ELOC: variants seen among roughly 807,000 people sequenced by gnomAD.
ELOC encodes elongin-C.
For synonymous variants in ELOC, 40 were observed against 51.3 expected (o/e 0.78, Z 0.94); for missense variants, 38 against 139.0 (o/e 0.27, Z 3.65).
Position 73,946,545 on chromosome 8 carries a change from A to G in ELOC, c.*85T>C. ...TATATAGTTCAACTGCATACAGGCAACATGCTATATATGAAAAAGTTACTA... is the reference window on the plus strand; with the variant it reads ...TATATAGTTCAACTGCATACAGGCAGCATGCTATATATGAAAAAGTTACTA... On this transcript the variant is annotated 3_prime_UTR_variant, in exon 4 of 4. Coordinates refer to ENST00000520242, the MANE Select transcript of ELOC (RefSeq NM_005648.4). The G allele has an allele frequency of 9.4e-7, 1 of 1,068,308 alleles. No homozygotes were observed. The highest frequency in any genetic ancestry group is 1.3e-6 in the Non-Finnish European group (1 of 758,112). 66.2% of individuals were successfully genotyped at this position (1,068,308 alleles called of 1,614,324 possible). A position where few individuals can be genotyped will look rare whatever the true frequency, so the allele number is the denominator to read the frequency against.
intron 2 of ELOC, among the ~76,000 whole-genome samples, chr8:73,956,770 G>A (rs1236357262): frequency 2.0e-5 from 3 of 152,140 alleles, no homozygotes; most frequent in East Asian, 3.9e-4. Context: ...ATGAGAGCTC[G>A]ACTTCCTTTG....
intron 3 of ELOC, among the ~76,000 whole-genome samples, chr8:73,948,205 A>T (rs1813511472): frequency 6.6e-6 from 1 of 151,926 alleles, no homozygotes; most frequent in African/African-American, 2.4e-5. Flanking sequence ...AAAAAAAAAA[A>T]AGATAGTACT....
At chr8:73,962,924 C>T (rs897623281) in intron 1 of ELOC, among the ~76,000 whole-genome samples, 77 of 152,256 alleles carry the variant, frequency 5.1e-4, no homozygotes, top group African/African-American at 1.7e-3. Flanking sequence ...AGTTTGGACC[C>T]AATCCATAAG....
chr8:73,954,908 C>G (rs139310601), intron 3 of ELOC, among the ~76,000 whole-genome samples: 90 of 151,398 alleles, frequency 5.9e-4, no homozygotes, highest in African/African-American at 2.0e-3. Flanking sequence ...GTGGTAGGTG[C>G]CTGTAATCCC....
intron 3 of ELOC, among the ~76,000 whole-genome samples, chr8:73,952,393 C>T (rs1464391458): frequency 1.4e-5 from 2 of 144,776 alleles, no homozygotes; most frequent in African/African-American, 5.1e-5. Context: ...GGTGACACAG[C>T]AAGACGCTGT....
intron 1 of ELOC, among the ~76,000 whole-genome samples, chr8:73,970,899 T>G (rs1158415563): frequency 1.4e-5 from 2 of 143,288 alleles, no homozygotes; most frequent in African/African-American, 2.7e-5. Flanking sequence ...CCGGCAGTGG[T>G]GGTGCGCGCC....
At chr8:73,969,631 TA>T (rs1815223759) in intron 1 of ELOC, 1 of 152,240 alleles carries the variant, frequency 6.6e-6, no homozygotes, top group Non-Finnish European at 1.5e-5. Flanking sequence ...GGTCTCCAGG[TA>T]AAACATCAAC....
rs928843491 is a variant in ELOC at position 73,945,654 on chromosome 8, C to T, written c.*976G>A. 1 of 152,116 alleles carries T rather than the reference C, an allele frequency of 6.6e-6. No individual in the cohort carries two copies. The highest frequency in any genetic ancestry group is 1.5e-5 in the Non-Finnish European group (1 of 68,020). The allele number at this position is 152,116 out of a possible 1,614,324, so 9.4% of individuals were successfully genotyped here. A position where few individuals can be genotyped will look rare whatever the true frequency, so the allele number is the denominator to read the frequency against. ...CTGATTATGGGTATATTTATTGGGA[C>T]ATATTTTAATAGAAGATAATTCATG... On this transcript the variant is annotated 3_prime_UTR_variant, in exon 4 of 4. Transcript: ENST00000520242.
At chr8:73,961,520 T>C (rs75834574) in intron 1 of ELOC, among the ~76,000 whole-genome samples, 20 of 146,648 alleles carry the variant, frequency 1.4e-4, no homozygotes, top group South Asian at 1.3e-3. Flanking sequence ...CACTCTCTCT[T>C]TTTTTTTTTT....
intron 1 of ELOC, among the ~76,000 whole-genome samples, chr8:73,968,084 A>G (rs4738402): frequency 0.31 from 47,096 of 152,090 alleles, 7,531 homozygotes; most frequent in Admixed American, 0.39. Context: ...GAACTAGCCC[A>G]GTTGAATGAA....
intron 2 of ELOC, among the ~76,000 whole-genome samples, chr8:73,959,031 A>G (rs951361005): frequency 6.6e-6 from 1 of 152,204 alleles, no homozygotes; most frequent in Non-Finnish European, 1.5e-5. Context: ...TTGTGTATCT[A>G]AACATAGAAA....
Position 73,946,599 on chromosome 8 carries a change from A to G in ELOC, c.*31T>C, listed in dbSNP as rs918230262. 112 of 1,487,844 alleles carry G rather than the reference A, an allele frequency of 7.5e-5. No homozygotes were observed. Among genetic ancestry groups the G allele is most frequent in the Non-Finnish European group, 1.0e-4 (111 of 1,111,018 alleles). 92.2% of individuals were successfully genotyped at this position (1,487,844 alleles called of 1,614,324 possible). On this transcript the variant is annotated 3_prime_UTR_variant, in exon 4 of 4. Coordinates refer to ENST00000520242, the MANE Select transcript of ELOC (RefSeq NM_005648.4). ...GAACTACAGGTATTAAATACTGAAA[A>G]GAGTTAACAGTTTATTATAATTTAT... is the stretch of plus-strand genomic sequence containing the variant.
chr8:73,946,750 T>C lies in ELOC; in HGVS notation c.219A>G (p.Val73=), dbSNP rs1302435180. 6.2e-7 allele frequency: 1 copy of C among 1,614,048 alleles called. No individual in the cohort carries two copies. Among genetic ancestry groups the C allele is most frequent in the Non-Finnish European group, 8.5e-7 (1 of 1,179,960 alleles). The change falls in exon 4 of 4, where the codon GTA becomes GTG. Residue 73 remains valine, a synonymous_variant. Coordinates refer to ENST00000520242, the MANE Select transcript of ELOC (RefSeq NM_005648.4). ...GAACCTTGTACGTAAAATACATGCA[T>C]ACTTTCGATAGCACATGTGAAGGTA... The part of the protein sequence containing the change: ...REIPSHVLSK[V]CMYFTYKVRY...
intron 2 of ELOC, among the ~76,000 whole-genome samples, chr8:73,959,060 G>A (rs1652077548): frequency 6.6e-6 from 1 of 152,132 alleles, no homozygotes; most frequent in Non-Finnish European, 1.5e-5. Flanking sequence ...TAGAAATATA[G>A]CATAAAAGAG....
intron 1 of ELOC, among the ~76,000 whole-genome samples, chr8:73,963,150 T>C (rs1249769604): frequency 6.6e-6 from 1 of 152,198 alleles, no homozygotes; most frequent in East Asian, 1.9e-4. Context: ...ATTAATCTCT[T>C]AAAGTTTTTT....
At chr8:73,962,999 A>G (rs1814707851) in intron 1 of ELOC, among the ~76,000 whole-genome samples, 2 of 152,240 alleles carry the variant, frequency 1.3e-5, no homozygotes, top group South Asian at 4.1e-4. Context: ...TCCATCACAG[A>G]GCTGAATTCT....
At chr8:73,946,936 T>A in intron 3 of ELOC, 116 bp from the exon 4 acceptor site, 1 of 806,072 alleles carries the variant, frequency 1.2e-6, no homozygotes, top group Non-Finnish European at 1.9e-6. Context: ...ATAAGTTCTT[T>A]AAAGAGGTAA....
chr8:73,952,472 G>A (rs1364664650), intron 3 of ELOC, among the ~76,000 whole-genome samples: 6 of 146,440 alleles, frequency 4.1e-5, no homozygotes, highest in African/African-American at 1.5e-4. Context: ...TGCTTCAAAT[G>A]ACACCATTAA....
chr8:73,948,080 T>C lies in ELOC; in HGVS notation c.149-1260A>G, dbSNP rs568854910. Among the ~76,000 whole-genome samples, 594 of 151,796 alleles carry C rather than the reference T, an allele frequency of 3.9e-3. 4 individuals are homozygous for C. Among genetic ancestry groups the C allele is most frequent in the African/African-American group, 0.014 (571 of 41,378 alleles). ...GGTGGTGAGTGCCAGTAATCCCAGG[T>C]ACTCGGGAGGCTGAGGCAGGAGAAT... On this transcript the variant is annotated intron_variant, in intron 3 of 3. Transcript: ENST00000520242.
Sources: allele counts gnomAD v4.1 joint callset (sites outside exome capture counted in the v4.1 genomes callset), GRCh38; gene constraint gnomAD v4.1.1; transcripts MANE v1.5; gene names NCBI Gene and HGNC (gene_info 2026-07-23, HGNC 2026-07-21).